EFCAB6: variants seen among roughly 807,000 people sequenced by gnomAD.
EFCAB6 encodes the protein EF-hand calcium binding domain 6.
A neutral mutation model predicts 169.8 loss-of-function variants in EFCAB6; 156 were observed. That is an observed-to-expected ratio of 0.92 (90% CI 0.81 to 1.05). The LOEUF (loss-of-function observed/expected upper bound fraction) is 1.05, where lower values mean the gene tolerates loss of function less well. EFCAB6 is among the 50% of genes least tolerant of loss of function. The pLI is 0.00. For missense variants in EFCAB6, 1,800 were observed against 1,829.1 expected (o/e 0.98, Z 0.29); for synonymous variants, 698 against 676.4 (o/e 1.03, Z -0.50).
intron 23 of EFCAB6, among the ~76,000 whole-genome samples, chr22:43,592,467 G>C (rs1366624625): frequency 6.6e-6 from 1 of 152,184 alleles, no homozygotes; most frequent in Non-Finnish European, 1.5e-5. Flanking sequence ...ATTTTTTTGA[G>C]ATACATATTT....
At chr22:43,693,834 C>A (rs1470163143) in intron 10 of EFCAB6, among the ~76,000 whole-genome samples, 2 of 151,832 alleles carry the variant, frequency 1.3e-5, no homozygotes, top group African/African-American at 4.8e-5. Context: ...AAATGGATAA[C>A]TCAAATACTG....
chr22:43,770,476 C>T (rs1380754822), intron 4 of EFCAB6, among the ~76,000 whole-genome samples: 1 of 152,134 alleles, frequency 6.6e-6, no homozygotes, highest in Non-Finnish European at 1.5e-5. Flanking sequence ...GCTATTTTAA[C>T]TATGTTCAAT....
chr22:43,618,214 GAAAGAAAGAGAA>G (rs2053870121), intron 20 of EFCAB6, among the ~76,000 whole-genome samples: 1 of 138,540 alleles, frequency 7.2e-6, no homozygotes, highest in Non-Finnish European at 1.6e-5. Flanking sequence ...AAGAAAGAAA[GAAAGAAAGAGAA>G]AGAAAGAAAG....
At chr22:43,698,146 T>C (rs2058643152) in intron 10 of EFCAB6, among the ~76,000 whole-genome samples, 1 of 152,068 alleles carries the variant, frequency 6.6e-6, no homozygotes, top group South Asian at 2.1e-4. Flanking sequence ...GTGTGTTGGT[T>C]TGAAAACATG....
chr22:43,647,857 G>A (rs1247574394), intron 17 of EFCAB6, among the ~76,000 whole-genome samples: 1 of 152,228 alleles, frequency 6.6e-6, no homozygotes, highest in East Asian at 1.9e-4. Flanking sequence ...GCCATTGGGA[G>A]CTGGGAGAAA....
At chr22:43,704,453 G>A (rs1049014992) in intron 10 of EFCAB6, among the ~76,000 whole-genome samples, 9 of 152,244 alleles carry the variant, frequency 5.9e-5, no homozygotes, top group Admixed American at 1.3e-4. Context: ...TAAATATTAC[G>A]CAGTCATGTT....
At chr22:43,662,095 T>C (rs770216641) in intron 17 of EFCAB6, among the ~76,000 whole-genome samples, 12 of 151,202 alleles carry the variant, frequency 7.9e-5, no homozygotes, top group Admixed American at 6.6e-4. Context: ...GAGGCAGAGG[T>C]TGCAGTGAGC....
intron 10 of EFCAB6, among the ~76,000 whole-genome samples, chr22:43,697,002 GT>G (rs1432481897): frequency 6.6e-6 from 1 of 152,158 alleles, no homozygotes; most frequent in Non-Finnish European, 1.5e-5. Context: ...ATAAACAATT[GT>G]TTACAGAGGA....
intron 17 of EFCAB6, among the ~76,000 whole-genome samples, chr22:43,662,992 C>G (rs2057078110): frequency 6.6e-6 from 1 of 152,166 alleles, no homozygotes; most frequent in African/African-American, 2.4e-5. Context: ...TATCACAGGT[C>G]CTAAGCTTTG....
chr22:43,711,733 T>G lies in EFCAB6; in HGVS notation c.883-110A>C, dbSNP rs2059167678. 4 of 1,340,786 alleles carry G rather than the reference T, an allele frequency of 3.0e-6. No individual in the cohort carries two copies. The African/African-American group carries it at 6.1e-5, about 20-fold the overall frequency. 83.1% of individuals were successfully genotyped at this position (1,340,786 alleles called of 1,614,324 possible). ...TCTTCAAATTTTTCTCTCCAAAAACTGATCAAAAAGGTTACTATGGCATGT... is the reference window on the plus strand; with the variant it reads ...TCTTCAAATTTTTCTCTCCAAAAACGGATCAAAAAGGTTACTATGGCATGT... On this transcript the variant is annotated intron_variant, in intron 9 of 31. Coordinates refer to ENST00000262726, the MANE Select transcript of EFCAB6 (RefSeq NM_022785.4).
chr22:43,725,602 A>G (rs1331680760), intron 8 of EFCAB6, among the ~76,000 whole-genome samples: 1 of 152,222 alleles, frequency 6.6e-6, no homozygotes, highest in Non-Finnish European at 1.5e-5. Context: ...GCTAACATTG[A>G]AACCATAACA....
At chr22:43,631,546 C>T (rs2054943925) in intron 19 of EFCAB6, among the ~76,000 whole-genome samples, 1 of 152,034 alleles carries the variant, frequency 6.6e-6, no homozygotes, top group Admixed American at 6.5e-5. Context: ...TGGGGGCCAC[C>T]TCCTCCAGGG....
chr22:43,801,592 T>C (rs996311089), intron 2 of EFCAB6, among the ~76,000 whole-genome samples: 3 of 152,190 alleles, frequency 2.0e-5, no homozygotes, highest in Admixed American at 6.5e-5. Flanking sequence ...GTGGAACAGA[T>C]AGAATTAGTG....
chr22:43,553,593 G>A (rs920738968), intron 27 of EFCAB6: 5 of 152,338 alleles, frequency 3.3e-5, no homozygotes, highest in Non-Finnish European at 5.9e-5. Flanking sequence ...AGGGCACAGC[G>A]AGGAACAAAG....
At chr22:43,624,508 G>A (rs1358408384) in intron 20 of EFCAB6, among the ~76,000 whole-genome samples, 1 of 151,984 alleles carries the variant, frequency 6.6e-6, no homozygotes, top group Admixed American at 6.6e-5. Flanking sequence ...TTTCCCAAAC[G>A]TGCTTAACAC....
Position 43,626,443 on chromosome 22 carries a change from T to C in EFCAB6, c.2465+4A>G. On this transcript the variant is annotated splice_donor_region_variant and intron_variant, in intron 20 of 31. Coordinates refer to ENST00000262726, the MANE Select transcript of EFCAB6 (RefSeq NM_022785.4). ...AAAGACACAGACCCGTGCTGCCTTC[T>C]TACCTAATGAGTCTTTGAGGCGCTT... 1.2e-6 allele frequency: 2 copies of C among 1,613,854 alleles called. No homozygotes were observed. The highest frequency in any genetic ancestry group is 2.2e-5 in the East Asian group (1 of 44,888).
chr22:43,556,643 T>C lies in EFCAB6; in HGVS notation c.3421-1547A>G, dbSNP rs192451988. ...ATGTATATATTAGATGTTACTGTGT[T>C]TTATGACAGAGAAGTCTACATAATG... On this transcript the variant is annotated intron_variant, in intron 26 of 31. Transcript: ENST00000262726. 3.4e-3 allele frequency among the ~76,000 whole-genome samples: 518 copies of C among 152,326 alleles called. 1 individual carries two copies. The highest frequency in any genetic ancestry group is 4.7e-3 in the Non-Finnish European group (317 of 68,026).
At chr22:43,704,554 T>C (rs1190598995) in intron 10 of EFCAB6, among the ~76,000 whole-genome samples, 1 of 152,196 alleles carries the variant, frequency 6.6e-6, no homozygotes, top group Admixed American at 6.5e-5. Context: ...GAACTATTAA[T>C]AACAACTATA....
rs370802427 is a variant in EFCAB6, at chr22:43,782,356, C to T, written c.-7-31G>A. On this transcript the variant is annotated intron_variant, in intron 2 of 31. Coordinates refer to ENST00000262726, the MANE Select transcript of EFCAB6 (RefSeq NM_022785.4). ...ATATAAAAGAAAACAGATTACGTTA[C>T]CTTAAAGAGCATACATTCCAAATGT... The T allele has an allele frequency of 3.8e-5, 60 of 1,599,726 alleles. No homozygotes were observed. In the East Asian group the frequency reaches 1.1e-3, roughly 30 times the overall value.
Sources: gnomAD v4.1 joint callset for allele counts (sites outside exome capture counted in the v4.1 genomes callset) on GRCh38, gnomAD v4.1.1 for gene constraint, MANE v1.5 for transcripts, NCBI Gene and HGNC (gene_info 2026-07-23, HGNC 2026-07-21) for gene names.